Variants in SYN3 observed in about 807,000 individuals in gnomAD.
The protein encoded by SYN3 is synapsin-3.
SYN3 carries 35 observed loss-of-function variants against 65.8 expected under a neutral mutation model. The observed-to-expected ratio is 0.53, with a 90% CI of 0.41 to 0.70. The LOEUF is 0.70. SYN3 is among the 30% of genes least tolerant of loss of function. SYN3 has a pLI of 0.00. For synonymous variants in SYN3, 270 were observed against 292.9 expected (o/e 0.92, Z 0.80); for missense variants, 680 against 749.0 (o/e 0.91, Z 1.08).
chr22:32,660,525 T>C (rs2060202789), intron 6 of SYN3, among the ~76,000 whole-genome samples: 1 of 152,132 alleles, frequency 6.6e-6, no homozygotes, highest in South Asian at 2.1e-4. Context: ...CCAGGGCCCA[T>C]TCATACTGAT....
intron 13 of SYN3, among the ~76,000 whole-genome samples, chr22:32,516,351 A>C: frequency 7.5e-6 from 1 of 133,546 alleles, no homozygotes; most frequent in Middle Eastern, 3.7e-3. Context: ...TCTTTGATTT[A>C]TTTATTTATT....
chr22:33,009,396 T>C (rs2145815440), intron 1 of SYN3, among the ~76,000 whole-genome samples: 1 of 152,372 alleles, frequency 6.6e-6, no homozygotes, highest in South Asian at 2.1e-4. Context: ...ATGGGTTTAC[T>C]GGCCAGTGAC....
At chr22:32,676,148 G>A (rs1012047752) in intron 6 of SYN3, among the ~76,000 whole-genome samples, 12 of 152,184 alleles carry the variant, frequency 7.9e-5, no homozygotes, top group Non-Finnish European at 1.2e-4. Flanking sequence ...CCTTGAGCAC[G>A]CATATTGAAA....
In SYN3 at chr22:32,609,229, G is replaced by A. The variant is rs375231822; in HGVS notation, c.712-12493C>T. ...GTCCCAGTTACTCGGGAGGCTGAGG[G>A]AGGAGAATGGCGTGAATCCGGGAGG... On this transcript the variant is annotated intron_variant, in intron 6 of 13. Coordinates refer to ENST00000358763, the MANE Select transcript of SYN3 (RefSeq NM_003490.4). Among the ~76,000 whole-genome samples, 42 of 152,106 alleles carry A rather than the reference G, an allele frequency of 2.8e-4. 1 individual carries two copies. Among genetic ancestry groups the A allele is most frequent in the African/African-American group, 9.9e-4 (41 of 41,496 alleles).
At chr22:32,914,987 T>C (rs1036198192) in intron 4 of SYN3, among the ~76,000 whole-genome samples, 1 of 152,162 alleles carries the variant, frequency 6.6e-6, no homozygotes, top group Non-Finnish European at 1.5e-5. Flanking sequence ...ACCTCTGCCT[T>C]CAGGGACCGG....
At chr22:32,739,086 G>A (rs572976505) in intron 6 of SYN3, among the ~76,000 whole-genome samples, 25 of 152,062 alleles carry the variant, frequency 1.6e-4, no homozygotes, top group Middle Eastern at 3.4e-3. Flanking sequence ...GGGTTTGGCT[G>A]TGTCCCAATC....
At chr22:32,686,960 C>A (rs922914967) in intron 6 of SYN3, among the ~76,000 whole-genome samples, 53 of 152,076 alleles carry the variant, frequency 3.5e-4, no homozygotes, top group African/African-American at 8.9e-4. Context: ...TAAATATCAG[C>A]AGAGCTGGAA....
chr22:32,671,451 TCA>T lies in SYN3; in HGVS notation c.712-74717_712-74716del, dbSNP rs776895196. ...CATCCACCTAAAAACACACCCTCCC[TCA>T]CACACACAGACACACCCACACTTAC... is the stretch of plus-strand genomic sequence containing the variant. On this transcript the variant is annotated intron_variant, in intron 6 of 13. Transcript: ENST00000358763. 3.0e-3 allele frequency among the ~76,000 whole-genome samples: 457 copies of T among 151,808 alleles called. 2 individuals carry two copies. Among genetic ancestry groups the T allele is most frequent in the Non-Finnish European group, 5.1e-3 (347 of 67,872 alleles).
At chr22:33,021,526 A>C (rs1314216311) in intron 1 of SYN3, among the ~76,000 whole-genome samples, 2 of 152,202 alleles carry the variant, frequency 1.3e-5, no homozygotes, top group Non-Finnish European at 2.9e-5. Context: ...CACATTTCTT[A>C]GATAACAAAG....
chr22:32,739,335 C>T (rs1411468177), intron 6 of SYN3, among the ~76,000 whole-genome samples: 1 of 151,502 alleles, frequency 6.6e-6, no homozygotes, highest in African/African-American at 2.4e-5. Context: ...GATTGTGAGG[C>T]CTCCCCAGCC....
intron 7 of SYN3, among the ~76,000 whole-genome samples, chr22:32,556,524 T>C (rs1244219452): frequency 6.6e-6 from 1 of 152,208 alleles, no homozygotes; most frequent in African/African-American, 2.4e-5. Flanking sequence ...ATGTTTCCTT[T>C]GAAAATTAAA....
chr22:32,880,901 G>A (rs1016056915), intron 4 of SYN3, among the ~76,000 whole-genome samples: 1 of 152,206 alleles, frequency 6.6e-6, no homozygotes. Context: ...TTGCACCCAG[G>A]GGCTGCTGAG....
intron 6 of SYN3, among the ~76,000 whole-genome samples, chr22:32,615,436 A>C (rs1601764434): frequency 1.3e-5 from 2 of 150,164 alleles, no homozygotes; most frequent in African/African-American, 2.4e-5. Context: ...TTCATCTAAA[A>C]AAAAAAAAAA....
At chr22:32,925,471 T>C (rs1443370095) in intron 4 of SYN3, among the ~76,000 whole-genome samples, 1 of 152,246 alleles carries the variant, frequency 6.6e-6, no homozygotes, top group Non-Finnish European at 1.5e-5. Flanking sequence ...CTGGAAGAAC[T>C]GCCAATTAGC....
intron 6 of SYN3, chr22:32,857,211 T>A: frequency 1.3e-6 from 2 of 1,535,728 alleles, no homozygotes; most frequent in Non-Finnish European, 1.8e-6. Context: ...GTGTCCAAAC[T>A]GGGAAAGAAG....
In SYN3 at chr22:32,508,437, G is replaced by A. The variant is rs2057656058; in HGVS notation, c.*5255C>T. Among the ~76,000 whole-genome samples, 1 of 152,136 alleles carries A rather than the reference G, an allele frequency of 6.6e-6. No individual in the cohort carries two copies. The highest frequency in any genetic ancestry group is 1.5e-5 in the Non-Finnish European group (1 of 68,028). ...GGACTCATCCGGCCTGCACCCAGGT[G>A]AAATAAACAGCCATGTTGCTCACAC... is the stretch of plus-strand genomic sequence containing the variant. On this transcript the variant is annotated 3_prime_UTR_variant, in exon 14 of 14. Transcript: ENST00000358763.
At chr22:32,909,810 T>C (rs1396116586) in intron 4 of SYN3, among the ~76,000 whole-genome samples, 2 of 152,306 alleles carry the variant, frequency 1.3e-5, no homozygotes, top group South Asian at 2.1e-4. Flanking sequence ...GCCAGTAGCA[T>C]GAGCCCAGCC....
intron 3 of SYN3, among the ~76,000 whole-genome samples, chr22:32,979,058 A>T (rs1054637429): frequency 1.9e-4 from 29 of 151,912 alleles, no homozygotes; most frequent in African/African-American, 7.0e-4. Context: ...TTAGCCGGGC[A>T]TGGTGGCACA....
chr22:32,697,527 C>T (rs575382591), intron 6 of SYN3, among the ~76,000 whole-genome samples: 2 of 152,256 alleles, frequency 1.3e-5, no homozygotes, highest in African/African-American at 4.8e-5. Context: ...ATGCCTGGCA[C>T]GTTGATAAGC....
Sources: gnomAD v4.1 joint callset for allele counts (sites outside exome capture counted in the v4.1 genomes callset) on GRCh38, gnomAD v4.1.1 for gene constraint, MANE v1.5 for transcripts, NCBI Gene and HGNC (gene_info 2026-07-23, HGNC 2026-07-21) for gene names.